The following PHF20 variants were observed in gnomAD, a reference collection of about 807,000 sequenced individuals.
PHF20 encodes PHD finger protein 20, also known as glioma-expressed antigen 2.
A neutral mutation model predicts 113.5 loss-of-function variants in PHF20; 23 were observed. The ratio of observed to expected loss-of-function variants is 0.20; its 90% CI spans 0.15 to 0.29. The LOEUF is 0.29. PHF20 is among the 10% of genes least tolerant of loss of function. The pLI, the probability that PHF20 is intolerant of heterozygous loss-of-function variation, is 1.00. For synonymous variants in PHF20, 434 were observed against 457.3 expected (o/e 0.95, Z 0.65); for missense variants, 943 against 1,219.6 (o/e 0.77, Z 3.38).
intron 9 of PHF20, among the ~76,000 whole-genome samples, chr20:35,873,768 T>C (rs1827144128): frequency 6.6e-6 from 1 of 152,178 alleles, no homozygotes; most frequent in African/African-American, 2.4e-5. Flanking sequence ...TCATTTTAAT[T>C]CATCTGTTAG....
chr20:35,892,476 T>G (rs2054893802), intron 9 of PHF20, among the ~76,000 whole-genome samples: 1 of 152,152 alleles, frequency 6.6e-6, no homozygotes, highest in Admixed American at 6.6e-5. Flanking sequence ...CCCGAAGTGT[T>G]GGGATTACAG....
chr20:35,841,595 TC>T (rs2042536309), intron 2 of PHF20, among the ~76,000 whole-genome samples: 1 of 151,424 alleles, frequency 6.6e-6, no homozygotes, highest in Admixed American at 6.6e-5. Context: ...CATGGTGAAA[TC>T]CCGTTTCTAC....
intron 9 of PHF20, among the ~76,000 whole-genome samples, chr20:35,891,531 TGA>T (rs1351666102): frequency 3.3e-5 from 5 of 152,184 alleles, no homozygotes; most frequent in Admixed American, 3.3e-4. Context: ...TCTTTTCTGC[TGA>T]GAGACCGGGG....
chr20:35,774,960 C>T (rs2146820005), intron 1 of PHF20: 1 of 152,318 alleles, frequency 6.6e-6, no homozygotes, highest in South Asian at 2.1e-4. Flanking sequence ...ATAGATCCCA[C>T]AGTTAGATGA....
chr20:35,888,580 T>C (rs1026473342), intron 9 of PHF20, among the ~76,000 whole-genome samples: 4 of 152,134 alleles, frequency 2.6e-5, no homozygotes, highest in African/African-American at 7.2e-5. Context: ...CCAAGAGTAA[T>C]TGAGTTCCCC....
intron 2 of PHF20, among the ~76,000 whole-genome samples, chr20:35,814,872 C>CAA (rs761940820): frequency 2.9e-4 from 15 of 52,246 alleles, no homozygotes; most frequent in East Asian, 1.6e-3. Context: ...GACTCCGTCT[C>CAA]AAAAAAAAAA....
intron 9 of PHF20, among the ~76,000 whole-genome samples, chr20:35,877,883 G>T (rs932932404): frequency 6.6e-6 from 1 of 152,178 alleles, no homozygotes; most frequent in African/African-American, 2.4e-5. Flanking sequence ...ATCTTGCTGT[G>T]TTTGTTGTTA....
intron 2 of PHF20, among the ~76,000 whole-genome samples, chr20:35,808,675 C>T (rs564350857): frequency 6.6e-6 from 1 of 152,060 alleles, no homozygotes; most frequent in Admixed American, 6.6e-5. Flanking sequence ...TGGGTTCGTG[C>T]CATTCTCCTG....
At chr20:35,913,877 G>T (rs1298491141) in intron 11 of PHF20, among the ~76,000 whole-genome samples, 156 bp from the exon 12 acceptor site, 1 of 152,046 alleles carries the variant, frequency 6.6e-6, no homozygotes, top group Admixed American at 6.5e-5. Flanking sequence ...GAGGTGTTTG[G>T]GCCCCTTCAT....
intron 10 of PHF20, among the ~76,000 whole-genome samples, chr20:35,900,250 A>G (rs1413246014): frequency 6.6e-6 from 1 of 152,204 alleles, no homozygotes; most frequent in Non-Finnish European, 1.5e-5. Context: ...TTCCAGGGGA[A>G]TTTCAGAAGA....
chr20:35,864,407 A>AAAAC (rs1752327805), intron 6 of PHF20, among the ~76,000 whole-genome samples: 1 of 132,428 alleles, frequency 7.6e-6, no homozygotes, highest in Non-Finnish European at 1.6e-5. Flanking sequence ...CCCATCTCAA[A>AAAAC]ACACACACAC....
chr20:35,837,229 A>G lies in PHF20; in HGVS notation c.84-5344A>G, dbSNP rs2042459124. On this transcript the variant is annotated intron_variant, in intron 2 of 17. Transcript: ENST00000374012. ...AAAAAAACACAAAACCCCAAAAAGT[A>G]CTTATTTTTTACTTATACAAGTAAT... Among the ~76,000 whole-genome samples the G allele has an allele frequency of 2.0e-5, 3 of 152,280 alleles. No homozygotes were observed. The South Asian group carries it at 6.2e-4, about 32-fold the overall frequency.
chr20:35,881,190 T>C (rs1285484563), intron 9 of PHF20, among the ~76,000 whole-genome samples: 4 of 150,890 alleles, frequency 2.7e-5, no homozygotes, highest in African/African-American at 9.7e-5. Context: ...CCTGAGTAGC[T>C]TGGATTACAG....
At chr20:35,842,289 A>G (rs1159145658) in intron 2 of PHF20, among the ~76,000 whole-genome samples, 1 of 152,098 alleles carries the variant, frequency 6.6e-6, no homozygotes, top group East Asian at 1.9e-4. Flanking sequence ...GCGGTGAGCC[A>G]AGATCACACC....
intron 6 of PHF20, among the ~76,000 whole-genome samples, chr20:35,864,712 G>A (rs1156898769): frequency 6.6e-6 from 1 of 152,114 alleles, no homozygotes; most frequent in East Asian, 1.9e-4. Context: ...CTCAAGAGCT[G>A]AGGGTGCTGC....
chr20:35,802,351 G>GT (rs913835934), intron 2 of PHF20, among the ~76,000 whole-genome samples: 190 of 141,890 alleles, frequency 1.3e-3, no homozygotes, highest in Admixed American at 1.1e-3. Context: ...AAGGGTTTTT[G>GT]TTTTTTTTTT....
chr20:35,885,677 T>C lies in PHF20; in HGVS notation c.1283-13693T>C, dbSNP rs566379516. On this transcript the variant is annotated intron_variant, in intron 9 of 17. Coordinates refer to ENST00000374012, the MANE Select transcript of PHF20 (RefSeq NM_016436.5). The stretch of plus-strand genomic sequence containing the variant: ...TTGTGACCTTTTCAGGTGCATTCTA[T>C]CAGGAAGCACATGAAAACCTGTTTG... 3.0e-4 allele frequency among the ~76,000 whole-genome samples: 45 copies of C among 152,084 alleles called. No homozygotes were observed. In the East Asian group the frequency reaches 7.5e-3, roughly 25 times the overall value.
chr20:35,785,211 T>C (rs1338735442), intron 1 of PHF20, among the ~76,000 whole-genome samples: 2 of 152,140 alleles, frequency 1.3e-5, no homozygotes, highest in East Asian at 3.8e-4. Context: ...ATGAGATGTT[T>C]GTCAAGGATT....
At chr20:35,884,563 A>T (rs959278326) in intron 9 of PHF20, among the ~76,000 whole-genome samples, 2 of 152,132 alleles carry the variant, frequency 1.3e-5, no homozygotes, top group African/African-American at 2.4e-5. Context: ...CCACTTGAGT[A>T]TTTGTGGCTT....
Sources: allele counts gnomAD v4.1 joint callset (sites outside exome capture counted in the v4.1 genomes callset), GRCh38; gene constraint gnomAD v4.1.1; transcripts MANE v1.5; gene names NCBI Gene and HGNC (gene_info 2026-07-23, HGNC 2026-07-21).